The following TENM3 variants were observed in gnomAD, a reference collection of about 807,000 sequenced individuals.
TENM3 encodes the protein teneurin transmembrane protein 3.
A neutral mutation model predicts 255.1 loss-of-function variants in TENM3; 63 were observed. The ratio of observed to expected loss-of-function variants is 0.25; its 90% confidence interval spans 0.20 to 0.30. TENM3 has a LOEUF of 0.30. Among genes scored for constraint, TENM3 ranks in the 10% least tolerant of loss-of-function variants. The pLI is 1.00. For synonymous variants in TENM3, 1,306 were observed against 1,322.3 expected, an observed-to-expected ratio of 0.99 and a Z score of 0.27; for missense variants, 2,929 against 3,461.1, an observed-to-expected ratio of 0.85 and a Z score of 3.86.
At chr4:182,268,461 A>AG (rs1759388037) in intron 1 of TENM3, among the ~76,000 whole-genome samples, 2 of 152,146 alleles carry the variant, frequency 1.3e-5, no homozygotes, top group South Asian at 4.2e-4. Flanking sequence ...TATAAAAGGG[A>AG]GGGGGGAAAT....
At chr4:182,437,752 C>G (rs1051469826) in intron 3 of TENM3, among the ~76,000 whole-genome samples, 1 of 150,978 alleles carries the variant, frequency 6.6e-6, no homozygotes. Flanking sequence ...GAGGTGAGAT[C>G]GCACCACCGC....
At chr4:182,104,081 G>C in the TENM3 span, among the ~76,000 whole-genome samples, 14 of 152,292 alleles carry the variant, frequency 9.2e-5, no homozygotes, top group African/African-American at 3.4e-4. Context: ...TTAACACCCA[G>C]TGTGGTGGTG....
At chr4:181,763,424 G>T in the TENM3 span, among the ~76,000 whole-genome samples, 1 of 152,012 alleles carries the variant, frequency 6.6e-6, no homozygotes, top group Admixed American at 6.6e-5. Context: ...AATAACCCCT[G>T]GACCAAATCT....
chr4:182,523,981 G>A (rs930061011), intron 3 of TENM3, among the ~76,000 whole-genome samples: 14 of 152,076 alleles, frequency 9.2e-5, no homozygotes, highest in African/African-American at 3.4e-4. Flanking sequence ...AACCAGTTTA[G>A]AGGGAAGAAT....
At chr4:182,018,381 A>G in the TENM3 span, among the ~76,000 whole-genome samples, 1 of 149,870 alleles carries the variant, frequency 6.7e-6, no homozygotes, top group Non-Finnish European at 1.5e-5. Context: ...GGAAGAAGAA[A>G]AAAAAAAATT....
At chr4:182,210,152 C>T (rs1754907989) in intron 1 of TENM3, among the ~76,000 whole-genome samples, 1 of 152,168 alleles carries the variant, frequency 6.6e-6, no homozygotes, top group Non-Finnish European at 1.5e-5. Context: ...AGATCCCCTG[C>T]TCTCACACCC....
chr4:181,456,926 T>C, the TENM3 span, among the ~76,000 whole-genome samples: 1 of 151,886 alleles, frequency 6.6e-6, no homozygotes, highest in Non-Finnish European at 1.5e-5. Flanking sequence ...AAAATTACCC[T>C]ATATAGTTCA....
chr4:182,023,674 C>T, the TENM3 span, among the ~76,000 whole-genome samples: 2 of 152,134 alleles, frequency 1.3e-5, no homozygotes, highest in Non-Finnish European at 2.9e-5. Flanking sequence ...AAGGTTTGTT[C>T]ATTTGTTTGC....
intron 6 of TENM3, among the ~76,000 whole-genome samples, chr4:182,667,749 A>C (rs1754824993): frequency 6.6e-6 from 1 of 150,828 alleles, no homozygotes; most frequent in South Asian, 2.1e-4. Context: ...GAACACTTGG[A>C]CACAGGAAGG....
chr4:182,543,256 A>G (rs543406053), intron 3 of TENM3, among the ~76,000 whole-genome samples: 29 of 152,246 alleles, frequency 1.9e-4, no homozygotes, highest in Admixed American at 8.5e-4. Context: ...GGAGGGAGGA[A>G]GGGAAGTGTC....
chr4:181,874,468 T>C, the TENM3 span: 1 of 152,240 alleles, frequency 6.6e-6, no homozygotes, highest in Non-Finnish European at 1.5e-5. Flanking sequence ...TCCTAATCAA[T>C]GAAGACTTTT....
In TENM3 at chr4:182,288,138, G is replaced by A. The variant is rs1345328118; in HGVS notation, c.-75-35808G>A. On this transcript the variant is annotated intron_variant, in intron 1 of 27. Coordinates refer to ENST00000511685, the MANE Select transcript of TENM3 (RefSeq NM_001080477.4). Reference sequence around the variant, plus strand: ...TATAGTAGAGACGAGATTTCTCCGTGTTGGTCAGGCTGGTCTCGAACTCCC... The same window carrying A: ...TATAGTAGAGACGAGATTTCTCCGTATTGGTCAGGCTGGTCTCGAACTCCC... Among the ~76,000 whole-genome samples the A allele has an allele frequency of 2.6e-5, 4 of 151,090 alleles. No homozygotes were observed. The South Asian group carries it at 8.4e-4, about 32-fold the overall frequency.
the TENM3 span, among the ~76,000 whole-genome samples, chr4:181,861,393 C>A: frequency 6.6e-6 from 1 of 152,204 alleles, no homozygotes; most frequent in East Asian, 1.9e-4. Flanking sequence ...GTATGCCAAT[C>A]AGAAGTCTTT....
intron 1 of TENM3, among the ~76,000 whole-genome samples, chr4:182,297,645 A>C (rs975418784): frequency 5.9e-5 from 9 of 152,190 alleles, no homozygotes; most frequent in Non-Finnish European, 8.8e-5. Context: ...CTATACTAAG[A>C]ATAGCTCCTG....
the TENM3 span, among the ~76,000 whole-genome samples, chr4:181,448,925 A>C: frequency 4.6e-5 from 7 of 152,190 alleles, no homozygotes; most frequent in Admixed American, 6.5e-5. Flanking sequence ...AAGAGCATAA[A>C]ATTTTACTAT....
the TENM3 span, among the ~76,000 whole-genome samples, chr4:181,567,856 C>T: frequency 0.011 from 1,690 of 152,090 alleles, 24 homozygotes; most frequent in Non-Finnish European, 0.018. Context: ...ATCTGAAAGG[C>T]GAAATAATTA....
At chr4:181,639,910 G>A in the TENM3 span, among the ~76,000 whole-genome samples, 9 of 152,168 alleles carry the variant, frequency 5.9e-5, no homozygotes, top group African/African-American at 1.4e-4. Context: ...GTGTGTGGGC[G>A]TATGGGCTGG....
At position 182,784,779 on chromosome 4, in the gene TENM3, G is replaced by A. The variant is rs541213392; in HGVS notation, c.5305-4314G>A. Among the ~76,000 whole-genome samples the A allele has an allele frequency of 2.0e-4, 30 of 152,206 alleles. 1 individual carries two copies. The South Asian group carries it at 4.2e-3, about 21-fold the overall frequency. Reference sequence around the variant, plus strand: ...TGGTGTGCCGTTTTTTAAGCCCGTCGGAAAAGCGCAGTATTCGGGTGGGAG... The same window carrying A: ...TGGTGTGCCGTTTTTTAAGCCCGTCAGAAAAGCGCAGTATTCGGGTGGGAG... On this transcript the variant is annotated intron_variant, in intron 24 of 27. Transcript: ENST00000511685.
intron 3 of TENM3, among the ~76,000 whole-genome samples, chr4:182,519,181 A>C (rs1197339176): frequency 1.3e-5 from 2 of 152,170 alleles, no homozygotes; most frequent in African/African-American, 4.8e-5. Context: ...AAAAAAATGT[A>C]AAATATGTCA....
Sources: gnomAD v4.1 joint callset for allele counts (sites outside exome capture counted in the v4.1 genomes callset) on GRCh38, gnomAD v4.1.1 for gene constraint, MANE v1.5 for transcripts, NCBI Gene and HGNC (gene_info 2026-07-23, HGNC 2026-07-21) for gene names.